The following SP6 variants were observed in gnomAD, a reference collection of about 807,000 sequenced individuals.
SP6 encodes transcription factor Sp6.
SP6 carries 10 observed loss-of-function variants against 23.4 expected under a neutral mutation model. The ratio of observed to expected loss-of-function variants is 0.43; its 90% confidence interval spans 0.26 to 0.72. SP6 has a LOEUF of 0.72. SP6 is among the 30% of genes least tolerant of loss of function. The pLI, the probability that SP6 is intolerant of heterozygous loss-of-function variation, is 0.23. For synonymous variants in SP6, 238 were observed against 238.7 expected, an observed-to-expected ratio of 1.00 and a Z score of 0.03; for missense variants, 482 against 523.8, an observed-to-expected ratio of 0.92 and a Z score of 0.78.
Position 47,848,011 on chromosome 17 carries a change from G to T in SP6, c.419C>A (p.Thr140Asn). 1.9e-6 allele frequency: 3 copies of T among 1,607,536 alleles called. No homozygotes were observed. The highest frequency in any genetic ancestry group is 2.5e-6 in the Non-Finnish European group (3 of 1,177,430). Residue 140 changes from threonine (T) to asparagine (N), a missense_variant, in exon 2 of 2, where the codon ACC becomes AAC. Around this residue, in one of 3 missense-constraint regions of SP6, gnomAD observed 330 missense variants for 332.3 expected, o/e 0.99. Coordinates refer to ENST00000536300, the MANE Select transcript of SP6 (RefSeq NM_001258248.2). This position sits in a 1 kb window ranked among gnomAD's most constrained non-coding sequence, Gnocchi z 5.3. ...AAGCGCCCCCGGGTGGCCAGGTGAG[G>T]TCAGCGCGCCCTGAGTGTGGGGGAG... ...MDLPHTQGALTSPGHPGALQA... is the reference protein window; with the variant it reads ...MDLPHTQGALNSPGHPGALQA...
At chr17:47,858,706 T>C (rs4362431), upstream of SP6, among the ~76,000 whole-genome samples, 16,661 of 151,386 alleles carry the variant, frequency 0.11, 1,154 homozygotes, top group East Asian at 0.22. Context: ...AGGTCTCCTA[T>C]GCCACTTCTG....
chr17:47,871,551 G>C, the SP6 span, among the ~76,000 whole-genome samples: 2 of 151,796 alleles, frequency 1.3e-5, no homozygotes, highest in Admixed American at 1.3e-4. Context: ...TTGTCTCTGT[G>C]CCTCCAACTC....
upstream of SP6, among the ~76,000 whole-genome samples, chr17:47,855,308 G>T (rs560466516): frequency 1.3e-5 from 2 of 152,258 alleles, no homozygotes; most frequent in African/African-American, 4.8e-5. Flanking sequence ...TGTGGATAGT[G>T]GTTTCTCCCT....
At chr17:47,851,584 GC>G (rs754800425), upstream of SP6, among the ~76,000 whole-genome samples, 86 of 152,300 alleles carry the variant, frequency 5.6e-4, no homozygotes, top group Admixed American at 1.3e-3. Context: ...TGAACGGACA[GC>G]CCTGCCCCGG....
chr17:47,848,332 T>C lies in SP6; in HGVS notation c.98A>G (p.Gln33Arg). The change falls in exon 2 of 2, where the codon CAG (glutamine) becomes CGG (arginine). Residue 33 changes from glutamine to arginine, a missense_variant. By Grantham distance (43) the Gln-to-Arg change is conservative. Coordinates refer to ENST00000536300, the MANE Select transcript of SP6 (RefSeq NM_001258248.2). This position sits in a 1 kb window ranked among gnomAD's most constrained non-coding sequence, Gnocchi z 5.3. ...CCCGGCCTCAGGGCTCGTGTGGCCCTGGTAAGTTTGGAGAGGCTGCAGGTC... is the reference window on the plus strand; with the variant it reads ...CCCGGCCTCAGGGCTCGTGTGGCCCCGGTAAGTTTGGAGAGGCTGCAGGTC... ...RLDLQPLQTY[Q>R]GHTSPEAGDY... The C allele has an allele frequency of 3.7e-6, 6 of 1,608,352 alleles. No homozygotes were observed. The highest frequency in any genetic ancestry group is 5.1e-6 in the Non-Finnish European group (6 of 1,177,588).
chr17:47,847,254 T>A lies in SP6; in HGVS notation c.*45A>T. On this transcript the variant is annotated 3_prime_UTR_variant, in exon 2 of 2. Coordinates refer to ENST00000536300, the MANE Select transcript of SP6 (RefSeq NM_001258248.2). ...AGGACGTCAGACCTGGGGGCTCGCATCCAGTGCCCCCCGGGATACCCGCAG... is the reference window on the plus strand; with the variant it reads ...AGGACGTCAGACCTGGGGGCTCGCAACCAGTGCCCCCCGGGATACCCGCAG... The A allele has an allele frequency of 6.9e-7, 1 of 1,457,138 alleles. No homozygotes were observed. The highest frequency in any genetic ancestry group is 1.4e-5 in the South Asian group (1 of 70,478). The allele number at this position is 1,457,138 out of a possible 1,614,324, so 90.3% of individuals were successfully genotyped here. A position where few individuals can be genotyped will look rare whatever the true frequency, so the allele number is the denominator to read the frequency against.
chr17:47,855,637 G>C (rs921328971), upstream of SP6: 1 of 152,298 alleles, frequency 6.6e-6, no homozygotes, highest in Non-Finnish European at 1.5e-5. Context: ...TACTGGACAG[G>C]GAACAGCCTC....
chr17:47,852,479 T>G (rs2033967927), upstream of SP6, among the ~76,000 whole-genome samples: 1 of 152,170 alleles, frequency 6.6e-6, no homozygotes, highest in African/African-American at 2.4e-5. Context: ...TTTTTCAGAT[T>G]CGTCTCCTCT....
chr17:47,866,836 G>T, the SP6 span, among the ~76,000 whole-genome samples: 7 of 152,268 alleles, frequency 4.6e-5, no homozygotes, highest in African/African-American at 1.4e-4. Context: ...GCCATTGGAG[G>T]CTTGGCAAGG....
chr17:47,868,525 G>A, the SP6 span, among the ~76,000 whole-genome samples: 1 of 152,298 alleles, frequency 6.6e-6, no homozygotes, highest in Non-Finnish European at 1.5e-5. Context: ...GCCTACATCA[G>A]AGCCAAAGTG....
At chr17:47,868,821 G>A in the SP6 span, among the ~76,000 whole-genome samples, 1 of 152,172 alleles carries the variant, frequency 6.6e-6, no homozygotes, top group Admixed American at 6.5e-5. Flanking sequence ...GGAGCGGGAT[G>A]GGGGAAGAAG....
upstream of SP6, among the ~76,000 whole-genome samples, chr17:47,852,748 T>C (rs1166851305): frequency 6.6e-6 from 1 of 152,262 alleles, no homozygotes; most frequent in East Asian, 1.9e-4. Context: ...CACGTTCTTA[T>C]CCAGAATCGA....
upstream of SP6, among the ~76,000 whole-genome samples, chr17:47,855,293 T>C (rs887005612): frequency 6.6e-6 from 1 of 152,146 alleles, no homozygotes; most frequent in African/African-American, 2.4e-5. Flanking sequence ...CAGTTCCCCA[T>C]AGGATGTGGA....
upstream of SP6, among the ~76,000 whole-genome samples, chr17:47,857,664 TC>T (rs2034007486): frequency 1.3e-5 from 2 of 152,140 alleles, no homozygotes; most frequent in South Asian, 4.1e-4. Context: ...CCTTTCCTCC[TC>T]TATTCGCACC....
At chr17:47,857,924 C>T (rs780542622), upstream of SP6, among the ~76,000 whole-genome samples, 4 of 151,108 alleles carry the variant, frequency 2.6e-5, no homozygotes, top group South Asian at 2.1e-4. Context: ...GGCCCCCACA[C>T]GAGCCACCTC....
the SP6 span, among the ~76,000 whole-genome samples, chr17:47,867,232 A>G: frequency 6.6e-6 from 1 of 152,148 alleles, no homozygotes; most frequent in African/African-American, 2.4e-5. Context: ...ACCTGCTGTC[A>G]GGAGGAGCTC....
chr17:47,868,553 G>C, the SP6 span, among the ~76,000 whole-genome samples: 4 of 152,164 alleles, frequency 2.6e-5, no homozygotes, highest in African/African-American at 9.7e-5. Context: ...CCTCCACCAA[G>C]GGACAGAGCT....
At chr17:47,873,910 A>C in the SP6 span, among the ~76,000 whole-genome samples, 93 of 103,814 alleles carry the variant, frequency 9.0e-4, no homozygotes, top group African/African-American at 1.2e-3. Context: ...TCCGCCTCCT[A>C]CTCTTCCTTC....
chr17:47,873,898 C>T, the SP6 span, among the ~76,000 whole-genome samples: 1 of 149,386 alleles, frequency 6.7e-6, no homozygotes, highest in African/African-American at 2.5e-5. Flanking sequence ...TCTTCTTCCT[C>T]CTCCGCCTCC....
Sources: allele counts gnomAD v4.1 joint callset (sites outside exome capture counted in the v4.1 genomes callset), GRCh38; gene constraint gnomAD v4.1.1; regional missense constraint gnomAD v4.1.1; non-coding constraint Gnocchi (gnomAD v3.1); transcripts MANE v1.5; gene names NCBI Gene and HGNC (gene_info 2026-07-23, HGNC 2026-07-21).